ATG7: variants seen among roughly 807,000 people sequenced by gnomAD.
ATG7 encodes ubiquitin-like modifier-activating enzyme ATG7.
Under a neutral mutation model 82.4 loss-of-function variants are expected in ATG7, and 70 were observed. The observed-to-expected ratio is 0.85, with a 90% confidence interval of 0.70 to 1.04. ATG7 has a LOEUF of 1.04. ATG7 is among the 50% of genes least tolerant of loss of function. ATG7 has a pLI of 0.00. For missense variants in ATG7, 792 were observed against 864.3 expected (o/e 0.92, Z 1.05); for synonymous variants, 287 against 313.0 (o/e 0.92, Z 0.88).
chr3:11,378,027 A>ATTTTTTTT lies in ATG7; in HGVS notation c.1876-1934_1876-1927dup, dbSNP rs61176051. The stretch of plus-strand genomic sequence containing the variant: ...GCTATCTAACTTATACCAGTTACCA[A>ATTTTTTTT]TTTTTTTTTTTTTTTTTTGAGATGG... On this transcript the variant is annotated intron_variant, in intron 18 of 20. Coordinates refer to ENST00000693202, the MANE Select transcript of ATG7 (RefSeq NM_001349232.2). Among the ~76,000 whole-genome samples the ATTTTTTTT allele has an allele frequency of 6.7e-4, 62 of 92,718 alleles. 10 individuals carry two copies. Among genetic ancestry groups the ATTTTTTTT allele is most frequent in the East Asian group, 2.6e-3 (8 of 3,104 alleles). The allele number at this position is 92,718 out of a possible 152,430, so 60.8% of individuals were successfully genotyped here.
At chr3:11,537,206 C>G (rs943052480) in intron 20 of ATG7, among the ~76,000 whole-genome samples, 2 of 152,192 alleles carry the variant, frequency 1.3e-5, no homozygotes, top group African/African-American at 4.8e-5. Context: ...TTCCTTCCTT[C>G]CCATCTTTCA....
At chr3:11,367,758 G>GTT (rs112564113) in intron 18 of ATG7, among the ~76,000 whole-genome samples, 11 of 135,348 alleles carry the variant, frequency 8.1e-5, no homozygotes, top group Middle Eastern at 3.6e-3. Flanking sequence ...TTTGTTTTGG[G>GTT]TTTTTTTTTT....
chr3:11,379,985 T>A lies in ATG7; in HGVS notation c.1889T>A (p.Leu630His). The A allele has an allele frequency of 6.2e-7, 1 of 1,614,202 alleles. No homozygotes were observed. The highest frequency in any genetic ancestry group is 8.5e-7 in the Non-Finnish European group (1 of 1,180,006). ...GLVPHQIRGF[L>H]SRFDNVLPVS... is the part of the protein sequence containing the mutation. Reference sequence around the variant, plus strand: ...GTTTGTTTTTAGATCCGGGGATTTCTTTCACGGTTTGATAATGTCCTTCCC... The same window carrying A: ...GTTTGTTTTTAGATCCGGGGATTTCATTCACGGTTTGATAATGTCCTTCCC... Residue 630 changes from leucine to histidine, a missense_variant, in exon 19 of 21, where the codon CTT (leucine) becomes CAT (histidine). Transcript: ENST00000693202.
chr3:11,486,855 T>G (rs1241124504), intron 20 of ATG7, among the ~76,000 whole-genome samples: 2 of 150,082 alleles, frequency 1.3e-5, no homozygotes, highest in Non-Finnish European at 3.0e-5. Context: ...TATTTTTTTA[T>G]TGATAATTCT....
At chr3:11,435,616 G>A (rs913400627) in intron 20 of ATG7, among the ~76,000 whole-genome samples, 5 of 152,122 alleles carry the variant, frequency 3.3e-5, no homozygotes, top group African/African-American at 1.2e-4. Flanking sequence ...TCATACCTCA[G>A]CTCCCACACA....
chr3:11,291,250 CTG>C (rs1944938415), intron 3 of ATG7, among the ~76,000 whole-genome samples: 1 of 152,218 alleles, frequency 6.6e-6, no homozygotes, highest in African/African-American at 2.4e-5. Flanking sequence ...CTGTCTGCAA[CTG>C]TGTTGATTTC....
intron 20 of ATG7, among the ~76,000 whole-genome samples, chr3:11,552,344 G>A (rs747061459): frequency 4.6e-5 from 7 of 151,988 alleles, no homozygotes; most frequent in East Asian, 1.9e-4. Context: ...TACCCTTGTC[G>A]GCACTGAGTA....
intron 13 of ATG7, among the ~76,000 whole-genome samples, chr3:11,343,346 A>T (rs1382244029): frequency 6.6e-6 from 1 of 152,238 alleles, no homozygotes; most frequent in Non-Finnish European, 1.5e-5. Context: ...CAGTCAGTTA[A>T]GTAACATTTA....
intron 18 of ATG7, among the ~76,000 whole-genome samples, chr3:11,379,458 CTCTA>C (rs899928690): frequency 9.9e-5 from 15 of 152,154 alleles, no homozygotes; most frequent in African/African-American, 3.6e-4. Context: ...TACATTTTAT[CTCTA>C]TCTGTTCCAA....
intron 20 of ATG7, among the ~76,000 whole-genome samples, chr3:11,439,700 G>A (rs1464636622): frequency 6.6e-6 from 1 of 152,148 alleles, no homozygotes; most frequent in African/African-American, 2.4e-5. Flanking sequence ...AGAGCTCCAG[G>A]GAAGAGTTAG....
chr3:11,328,039 C>G (rs1036505916), intron 9 of ATG7, among the ~76,000 whole-genome samples: 2 of 152,186 alleles, frequency 1.3e-5, no homozygotes, highest in Non-Finnish European at 2.9e-5. Flanking sequence ...AGAGCACCCT[C>G]TCTAATACAC....
chr3:11,311,717 G>A (rs1039279092), intron 7 of ATG7, among the ~76,000 whole-genome samples: 5 of 152,050 alleles, frequency 3.3e-5, no homozygotes, highest in Middle Eastern at 3.2e-3. Flanking sequence ...ATAATCTCTG[G>A]AGGTGTTTTT....
At chr3:11,355,842 A>T (rs2075897053) in intron 14 of ATG7, among the ~76,000 whole-genome samples, 1 of 152,216 alleles carries the variant, frequency 6.6e-6, no homozygotes, top group Admixed American at 6.5e-5. Flanking sequence ...TTGTACCTTT[A>T]GATCTTTACC....
At chr3:11,483,981 C>T (rs1450283738) in intron 20 of ATG7, among the ~76,000 whole-genome samples, 1 of 152,098 alleles carries the variant, frequency 6.6e-6, no homozygotes, top group Non-Finnish European at 1.5e-5. Flanking sequence ...AATTATAGCA[C>T]TCTTTGATAT....
chr3:11,547,381 AT>A (rs924100119), intron 20 of ATG7, among the ~76,000 whole-genome samples: 1 of 152,202 alleles, frequency 6.6e-6, no homozygotes, highest in African/African-American at 2.4e-5. Flanking sequence ...ACCACGTTTC[AT>A]TTATTCATCA....
chr3:11,441,881 G>C (rs962578245), intron 20 of ATG7, among the ~76,000 whole-genome samples: 5 of 151,452 alleles, frequency 3.3e-5, no homozygotes, highest in African/African-American at 4.9e-5. Flanking sequence ...GGCCAAGCTG[G>C]TCTTGAACTC....
intron 9 of ATG7, among the ~76,000 whole-genome samples, chr3:11,321,732 A>G (rs577093189): frequency 2.0e-5 from 3 of 152,218 alleles, no homozygotes; most frequent in African/African-American, 4.8e-5. Flanking sequence ...GTGTATAAGC[A>G]TACAGTAACA....
At chr3:11,367,669 T>C (rs1479047066) in intron 18 of ATG7, among the ~76,000 whole-genome samples, 1 of 152,000 alleles carries the variant, frequency 6.6e-6, no homozygotes, top group African/African-American at 2.4e-5. Flanking sequence ...GATTAGGCCC[T>C]GAAATTCAGT....
chr3:11,416,267 T>C (rs1484174456), intron 19 of ATG7, among the ~76,000 whole-genome samples: 1 of 152,230 alleles, frequency 6.6e-6, no homozygotes, highest in Admixed American at 6.5e-5. Context: ...TGAAAGAGAT[T>C]GTAGATGATT....
Sources: gnomAD v4.1 joint callset for allele counts (sites outside exome capture counted in the v4.1 genomes callset) on GRCh38, gnomAD v4.1.1 for gene constraint, MANE v1.5 for transcripts, NCBI Gene and HGNC (gene_info 2026-07-23, HGNC 2026-07-21) for gene names.